The following SLC25A26 variants were observed in gnomAD, a reference collection of about 807,000 sequenced individuals.
SLC25A26 encodes mitochondrial S-adenosylmethionine carrier protein.
A neutral mutation model predicts 37.8 loss-of-function variants in SLC25A26; 36 were observed. The observed-to-expected ratio is 0.95, with a 90% CI of 0.73 to 1.26. SLC25A26 has a LOEUF of 1.26. Among genes scored for constraint, SLC25A26 ranks in the 50% most tolerant of loss-of-function variants. SLC25A26 has a pLI of 0.00. For synonymous variants in SLC25A26, 129 were observed against 122.5 expected (o/e 1.05, Z -0.35); for missense variants, 390 against 331.1 (o/e 1.18, Z -1.38).
chr3:66,358,576 C>T (rs2076628167), intron 6 of SLC25A26, among the ~76,000 whole-genome samples: 1 of 152,232 alleles, frequency 6.6e-6, no homozygotes, highest in Non-Finnish European at 1.5e-5. Context: ...TTCATGCCCA[C>T]ACCAGAGTGT....
chr3:66,221,358 G>C (rs36174201), intron 1 of SLC25A26, among the ~76,000 whole-genome samples: 133,338 of 152,244 alleles, frequency 0.88, 58,531 homozygotes, highest in Middle Eastern at 0.95. Context: ...AGGAAGGTGA[G>C]TCATTGTCTT....
chr3:66,217,445 A>G (rs2071378213), upstream of SLC25A26, among the ~76,000 whole-genome samples: 3 of 152,350 alleles, frequency 2.0e-5, no homozygotes, highest in African/African-American at 4.8e-5. Context: ...ATATTTCTAT[A>G]TGACAAGCAC....
intron 5 of SLC25A26, among the ~76,000 whole-genome samples, chr3:66,291,879 T>C (rs2074722405): frequency 6.6e-6 from 1 of 152,238 alleles, no homozygotes; most frequent in African/African-American, 2.4e-5. Flanking sequence ...CTTGTTGATC[T>C]GTCTAATATT....
At chr3:66,135,359 C>T (rs1576587958) in intron 1 of SLC25A26, among the ~76,000 whole-genome samples, 1 of 152,274 alleles carries the variant, frequency 6.6e-6, no homozygotes, top group East Asian at 1.9e-4. Context: ...TCAAATCCTA[C>T]AGTTGTAGAA....
At chr3:66,241,065 G>T (rs1237387602) in intron 2 of SLC25A26, among the ~76,000 whole-genome samples, 1 of 151,784 alleles carries the variant, frequency 6.6e-6, no homozygotes, top group African/African-American at 2.4e-5. Context: ...TTAATTTTTT[G>T]GTATTTCTAG....
chr3:66,195,766 A>G (rs891066493), intron 1 of SLC25A26, among the ~76,000 whole-genome samples: 1 of 152,256 alleles, frequency 6.6e-6, no homozygotes, highest in African/African-American at 2.4e-5. Context: ...TGGTTGAAGA[A>G]TATGCAAAAA....
chr3:66,213,910 A>G (rs1233048479), intron 1 of SLC25A26, among the ~76,000 whole-genome samples: 1 of 152,196 alleles, frequency 6.6e-6, no homozygotes, highest in African/African-American at 2.4e-5. Flanking sequence ...AATCTGGGTA[A>G]CAGAGTGACA....
At chr3:66,340,119 G>T (rs746113758) in intron 5 of SLC25A26, among the ~76,000 whole-genome samples, 1 of 151,890 alleles carries the variant, frequency 6.6e-6, no homozygotes, top group African/African-American at 2.4e-5. Context: ...TTGTCCTTTC[G>T]CTGTTGAATG....
intron 1 of SLC25A26, among the ~76,000 whole-genome samples, chr3:66,197,471 G>C (rs1465053095): frequency 1.3e-5 from 2 of 152,136 alleles, no homozygotes; most frequent in Non-Finnish European, 2.9e-5. Context: ...ATCAACATCA[G>C]GTGAGGGTCA....
chr3:66,239,816 CTTTTTTTTTTTTTTT>C (rs536690709), intron 2 of SLC25A26, among the ~76,000 whole-genome samples: 1 of 110,182 alleles, frequency 9.1e-6, no homozygotes. Context: ...TCCTTTCTTT[CTTTTTTTTTTTTTTT>C]TTTTTTTTTA....
intron 3 of SLC25A26, among the ~76,000 whole-genome samples, 196 bp from the exon 4 acceptor site, chr3:66,261,855 G>C (rs1361320231): frequency 2.0e-5 from 3 of 151,606 alleles, no homozygotes; most frequent in Admixed American, 2.0e-4. Context: ...AGCCAGGAAA[G>C]GTTCTGGGCT....
At chr3:66,217,769 C>G (rs1314508453), upstream of SLC25A26, among the ~76,000 whole-genome samples, 2 of 152,122 alleles carry the variant, frequency 1.3e-5, no homozygotes, top group Non-Finnish European at 2.9e-5. Flanking sequence ...AGGCTGGTCT[C>G]AAACTTCTGA....
At chr3:66,184,720 A>G (rs2070793090) in intron 1 of SLC25A26, among the ~76,000 whole-genome samples, 2 of 78,764 alleles carry the variant, frequency 2.5e-5, no homozygotes, top group East Asian at 3.3e-4. Context: ...TCTTGTGTCC[A>G]TGATCCTGCC....
intron 5 of SLC25A26, among the ~76,000 whole-genome samples, chr3:66,271,119 C>T (rs151065473): frequency 6.6e-6 from 1 of 152,238 alleles, no homozygotes; most frequent in Non-Finnish European, 1.5e-5. Context: ...AACGTTGTGA[C>T]CATAAACCAT....
chr3:66,333,341 T>C (rs1390875599), intron 5 of SLC25A26, among the ~76,000 whole-genome samples: 3 of 152,100 alleles, frequency 2.0e-5, no homozygotes, highest in Admixed American at 2.0e-4. Flanking sequence ...CATTTCTATT[T>C]TGTTGCTTTG....
upstream of SLC25A26, among the ~76,000 whole-genome samples, chr3:66,218,815 C>G (rs1339378182): frequency 1.3e-5 from 2 of 152,156 alleles, no homozygotes; most frequent in African/African-American, 4.8e-5. Context: ...CAATAGCTAG[C>G]ACTAATCTGC....
At chr3:66,196,624 C>A (rs2071047603) in intron 1 of SLC25A26, among the ~76,000 whole-genome samples, 1 of 151,796 alleles carries the variant, frequency 6.6e-6, no homozygotes, top group African/African-American at 2.4e-5. Flanking sequence ...TAACTATAGC[C>A]TTAAAATAGA....
intron 6 of SLC25A26, among the ~76,000 whole-genome samples, chr3:66,360,850 G>A (rs927130754): frequency 6.6e-6 from 1 of 152,192 alleles, no homozygotes; most frequent in Non-Finnish European, 1.5e-5. Flanking sequence ...CATGGGTTTG[G>A]TGCCTCCCAA....
intron 3 of SLC25A26, chr3:66,261,712 A>T (rs1393731459): frequency 1.6e-5 from 3 of 191,068 alleles, no homozygotes; most frequent in Non-Finnish European, 3.2e-5. Context: ...CACATGTTTG[A>T]AATGTCATGT....
Sources: gnomAD v4.1 joint callset for allele counts (sites outside exome capture counted in the v4.1 genomes callset) on GRCh38, gnomAD v4.1.1 for gene constraint, MANE v1.5 for transcripts, NCBI Gene and HGNC (gene_info 2026-07-23, HGNC 2026-07-21) for gene names.